Variants in POLD2 observed in about 807,000 individuals in gnomAD.
POLD2 encodes the protein DNA polymerase delta 2, accessory subunit, also known as DNA polymerase delta subunit 2.
POLD2 carries 31 observed loss-of-function variants against 48.8 expected under a neutral mutation model. That is an observed-to-expected ratio of 0.64 (90% CI 0.48 to 0.86). POLD2 has a LOEUF of 0.86. POLD2 is among the 40% of genes least tolerant of loss of function. The pLI is 0.00. For synonymous variants in POLD2, 233 were observed against 256.3 expected, an observed-to-expected ratio of 0.91 and a Z score of 0.87; for missense variants, 455 against 610.1, an observed-to-expected ratio of 0.75 and a Z score of 2.68.
In POLD2 at chr7:44,116,502, G is replaced by A; in HGVS notation, c.789C>T (p.Tyr263=). 6.3e-7 allele frequency: 1 copy of A among 1,575,928 alleles called. No individual in the cohort carries two copies. The highest frequency in any genetic ancestry group is 8.6e-7 in the Non-Finnish European group (1 of 1,159,882). ...QSRDSINKAK[Y]LTKKTQAASV... ...TGGCTGCCTGGGTTTTCTTGGTGAG[G>A]TATTTGGCCTGGAATAGAAGCCCAG... The change falls in exon 7 of 11, where the codon TAC becomes TAT. Residue 263 remains tyrosine (Y), a synonymous_variant. Transcript: ENST00000610533. This position sits in a 1 kb window ranked among gnomAD's most constrained non-coding sequence, Gnocchi z 6.1.
In POLD2 at chr7:44,114,809, C is replaced by A; in HGVS notation, c.1386G>T (p.Leu462=). Residue 462 remains leucine, a synonymous_variant, in exon 11 of 11, where the codon CTG becomes CTT. Transcript: ENST00000610533. ...FSGFGAEDDD[L]GGLGLGP The stretch of plus-strand genomic sequence containing the variant: ...GTCAGGGGCCCAGCCCCAGGCCTCC[C>A]AGGTCATCGTCCTCTGCCCCGAAGC... The A allele has an allele frequency of 6.2e-7, 1 of 1,611,766 alleles. No individual in the cohort carries two copies.
intron 1 of POLD2, 181 bp from the exon 2 acceptor site, chr7:44,122,290 G>A (rs1040787378): frequency 1.1e-5 from 16 of 1,400,774 alleles, no homozygotes; most frequent in South Asian, 1.7e-5. Flanking sequence ...ACCCTGTAGC[G>A]GTCATCCAAA....
intron 4 of POLD2, 124 bp downstream of exon 4, chr7:44,117,495 G>A: frequency 8.1e-7 from 1 of 1,241,946 alleles, no homozygotes; most frequent in Non-Finnish European, 1.1e-6. Context: ...ACCTCCTCAA[G>A]AACACACGTG....
At chr7:44,119,751 G>C (rs889174632) in intron 2 of POLD2, among the ~76,000 whole-genome samples, 2 of 152,196 alleles carry the variant, frequency 1.3e-5, no homozygotes. Context: ...GATCAAAACT[G>C]GACATAAAAG....
intron 2 of POLD2, chr7:44,118,389 A>C (rs2096243645): frequency 4.6e-6 from 1 of 218,462 alleles, no homozygotes; most frequent in East Asian, 1.1e-4. Flanking sequence ...ACCAGGGAGG[A>C]GGCCAGGAAG....
At chr7:44,123,401 C>T in intron 1 of POLD2, 110 bp downstream of exon 1, 1 of 1,437,004 alleles carries the variant, frequency 7.0e-7, no homozygotes. Context: ...CGGATCCACG[C>T]GGCAGCTGCG....
At position 44,116,736 on chromosome 7, in the gene POLD2, C is replaced by A; in HGVS notation, c.780+81G>T. On this transcript the variant is annotated intron_variant, in intron 6 of 10. Coordinates refer to ENST00000610533, the MANE Select transcript of POLD2 (RefSeq NM_006230.4). The surrounding 1 kb of genome is among the most constrained non-coding windows in gnomAD (Gnocchi z 6.1). ...GACCTGCGAGACCTCACAGGGTACC[C>A]TACTCGCCCTGGGGAAGGAGGGTCT... 6.7e-7 allele frequency: 1 copy of A among 1,486,928 alleles called. No homozygotes were observed. The highest frequency in any genetic ancestry group is 9.3e-7 in the Non-Finnish European group (1 of 1,075,008). The allele number at this position is 1,486,928 out of a possible 1,614,324, so 92.1% of individuals were successfully genotyped here.
At chr7:44,115,456 G>A (rs1341338625) in intron 9 of POLD2, 60 bp from the exon 10 acceptor site, 1 of 1,091,022 alleles carries the variant, frequency 9.2e-7, no homozygotes, top group Non-Finnish European at 1.4e-6. Context: ...CTCTGCACAG[G>A]ATGTGGGGCT....
chr7:44,116,092 TG>T lies in POLD2; in HGVS notation c.1019+22del. 6.2e-7 allele frequency: 1 copy of T among 1,613,180 alleles called. No individual in the cohort carries two copies. Among genetic ancestry groups the T allele is most frequent in the Admixed American group, 1.7e-5 (1 of 60,020 alleles). ...CCTGAGGCAAAAGGCTGGGTCAGAC[TG>T]AAGTGTGGCTGTGCCAGCTACCTGA... On this transcript the variant is annotated intron_variant, in intron 8 of 10. Transcript: ENST00000610533. The surrounding 1 kb of genome is among the most constrained non-coding windows in gnomAD (Gnocchi z 6.1).
intron 1 of POLD2, chr7:44,123,235 G>A: frequency 1.5e-6 from 2 of 1,346,390 alleles, no homozygotes; most frequent in Non-Finnish European, 9.5e-7. Context: ...GACAGCACTG[G>A]CCTGGGACAC....
At chr7:44,122,590 C>A (rs2096249756) in intron 1 of POLD2, 1 of 374,632 alleles carries the variant, frequency 2.7e-6, no homozygotes, top group Non-Finnish European at 3.7e-6. Flanking sequence ...GTTCAAAACT[C>A]TCCAAAGTGT....
chr7:44,117,578 C>T (rs747616641), intron 4 of POLD2, 41 bp downstream of exon 4: 1 of 1,578,660 alleles, frequency 6.3e-7, no homozygotes, highest in Non-Finnish European at 8.6e-7. Context: ...CCGCTGGGCT[C>T]TTCACCTGCA....
chr7:44,117,619 C>A lies in POLD2; in HGVS notation c.466G>T (p.Gly156Trp). ...CACATCCTCTCATTGGGCTCCCTAC[C>A]CGTAACCAGCTTTGACACGTCAATG... ...GTIDVSKLVT[G>W]TVLAVFGSVR... The change falls in exon 4 of 11, where the codon GGG becomes TGG. Residue 156 changes from glycine (G) to tryptophan (W), a missense_variant and splice_region_variant. Transcript: ENST00000610533. 1 of 1,602,398 alleles carries A rather than the reference C, an allele frequency of 6.2e-7. No individual in the cohort carries two copies. Among genetic ancestry groups the A allele is most frequent in the Non-Finnish European group, 8.5e-7 (1 of 1,174,086 alleles).
intron 9 of POLD2, 166 bp from the exon 10 acceptor site, chr7:44,115,562 C>T (rs1401094905): frequency 2.5e-5 from 18 of 727,642 alleles, no homozygotes; most frequent in Non-Finnish European, 4.1e-5. Flanking sequence ...CCTGCTGTTG[C>T]TGCCCGTTGG....
intron 10 of POLD2, 69 bp from the exon 11 acceptor site, chr7:44,115,014 A>T (rs1439443628): frequency 2.1e-6 from 3 of 1,396,350 alleles, no homozygotes; most frequent in Non-Finnish European, 2.9e-6. Flanking sequence ...AAGCTGCCAG[A>T]AATAAACAGG....
rs1318840280 is a variant in POLD2, at chr7:44,121,802, TG to T, written c.220+31del. ...AACACTTCTAAGTTCAGGGATGCTG[TG>T]GGGGAAGCACCTTCCCAAACTCTCA... On this transcript the variant is annotated intron_variant, in intron 2 of 10. Coordinates refer to ENST00000610533, the MANE Select transcript of POLD2 (RefSeq NM_006230.4). The surrounding 1 kb of genome is among the most constrained non-coding windows in gnomAD (Gnocchi z 4.5). The T allele has an allele frequency of 1.9e-6, 3 of 1,595,254 alleles. No homozygotes were observed. Among genetic ancestry groups the T allele is most frequent in the Non-Finnish European group, 2.6e-6 (3 of 1,168,404 alleles).
Position 44,123,511 on chromosome 7 carries a change from C to CGCGCG in POLD2, c.-62_-58dup. ...CCCCGTTTCCCTGGACCCCACTCAC[C>CGCGCG]GCGCGGCGCGCCGCATCCCGCCAAT... On this transcript the variant is annotated splice_region_variant and 5_prime_UTR_variant, in exon 1 of 11. Coordinates refer to ENST00000610533, the MANE Select transcript of POLD2 (RefSeq NM_006230.4). 1 of 1,484,932 alleles carries CGCGCG rather than the reference C, an allele frequency of 6.7e-7. No homozygotes were observed. Among genetic ancestry groups the CGCGCG allele is most frequent in the African/African-American group, 1.5e-5 (1 of 68,636 alleles). 92.0% of individuals were successfully genotyped at this position (1,484,932 alleles called of 1,614,324 possible).
intron 8 of POLD2, 30 bp from the exon 9 acceptor site, chr7:44,115,923 C>T (rs1384393348): frequency 6.2e-7 from 1 of 1,614,022 alleles, no homozygotes; most frequent in Non-Finnish European, 8.5e-7. Flanking sequence ...TGACTCTTGG[C>T]TTTGGGTGCC....
chr7:44,123,596 C>T, upstream of POLD2: 1 of 1,443,982 alleles, frequency 6.9e-7, no homozygotes, highest in Non-Finnish European at 9.0e-7. Flanking sequence ...GCTTCCCCGC[C>T]CATCGCCTAA....
Sources: gnomAD v4.1 joint callset for allele counts (sites outside exome capture counted in the v4.1 genomes callset) on GRCh38, gnomAD v4.1.1 for gene constraint, Gnocchi (gnomAD v3.1) non-coding constraint, MANE v1.5 for transcripts, NCBI Gene and HGNC (gene_info 2026-07-23, HGNC 2026-07-21) for gene names.